Variants in DHX35 observed in about 807,000 individuals in gnomAD.
DHX35 encodes the protein probable ATP-dependent RNA helicase DHX35.
A neutral mutation model predicts 99.6 loss-of-function variants in DHX35; 84 were observed. That is an observed-to-expected ratio of 0.84 (90% CI 0.71 to 1.01). DHX35 has a LOEUF of 1.01. Ranked by LOEUF, DHX35 falls within the 50% of genes least tolerant of loss-of-function variation. The pLI, the probability that DHX35 is intolerant of heterozygous loss-of-function variation, is 0.00. For synonymous variants in DHX35, 331 were observed against 316.2 expected (o/e 1.05, Z -0.50); for missense variants, 852 against 888.5 (o/e 0.96, Z 0.52).
chr20:38,962,576 G>A, intron 1 of DHX35, 169 bp downstream of exon 1: 2 of 789,908 alleles, frequency 2.5e-6, no homozygotes, highest in Non-Finnish European at 3.9e-6. Flanking sequence ...CAGTGGTCCC[G>A]AGGGATTTGG....
intron 12 of DHX35, 41 bp from the exon 13 acceptor site, chr20:39,010,239 G>GTGACATTTGGTCCCAAACAGTTC: frequency 1.9e-6 from 3 of 1,613,808 alleles, no homozygotes; most frequent in Non-Finnish European, 2.5e-6. Context: ...GCATTTGATT[G>GTGACATTTGGTCCCAAACAGTTC]TGACATTTGG....
chr20:39,025,462 T>C, intron 18 of DHX35, 103 bp downstream of exon 18: 1 of 1,401,594 alleles, frequency 7.1e-7, no homozygotes, highest in Non-Finnish European at 9.7e-7. Flanking sequence ...TGTGGCGTGC[T>C]CTGTACCAAC....
intron 7 of DHX35, among the ~76,000 whole-genome samples, chr20:38,994,028 G>A (rs1304531993): frequency 6.6e-6 from 1 of 152,020 alleles, no homozygotes. Context: ...TTGCACAGTG[G>A]GTACACTGTG....
rs1316698960 is a variant in DHX35 at position 39,002,785 on chromosome 20, T to G, written c.769T>G (p.Tyr257Asp). The G allele has an allele frequency of 6.2e-7, 1 of 1,614,132 alleles. No homozygotes were observed. Among genetic ancestry groups the G allele is most frequent in the Non-Finnish European group, 8.5e-7 (1 of 1,179,986 alleles). ...TTGTCTTTTCAGTCCTGTTCCAGAT[T>G]ATATCAAATCAACTGTCGAAACTGT... The part of the protein sequence containing the change: ...IFYLQSPVPD[Y>D]IKSTVETVVK... The change falls in exon 10 of 22, where the codon TAT (tyrosine) becomes GAT (aspartate). Residue 257 changes from tyrosine (Y) to aspartate (D), a missense_variant. Coordinates refer to ENST00000252011, the MANE Select transcript of DHX35 (RefSeq NM_021931.4).
chr20:39,028,363 C>T (rs1407079780), intron 18 of DHX35, 55 bp from the exon 19 acceptor site: 12 of 1,559,174 alleles, frequency 7.7e-6, no homozygotes, highest in East Asian at 2.2e-5. Flanking sequence ...TTAGAGCACA[C>T]GGAGCCTAGG....
rs2060230919 is a variant in DHX35, at chr20:39,038,907, G to C, written c.*364G>C. 1 of 304,802 alleles carries C rather than the reference G, an allele frequency of 3.3e-6. No homozygotes were observed. Among genetic ancestry groups the C allele is most frequent in the Non-Finnish European group, 6.2e-6 (1 of 161,876 alleles). The allele number at this position is 304,802 out of a possible 1,614,324, so 18.9% of individuals were successfully genotyped here. On this transcript the variant is annotated 3_prime_UTR_variant, in exon 22 of 22. Coordinates refer to ENST00000252011, the MANE Select transcript of DHX35 (RefSeq NM_021931.4). ...CCACTGAAGGCCAAAACACCATGTG[G>C]GGTGGACAGAGGGTTTGCTGGGCTG...
At chr20:38,979,854 T>TAA (rs11476489) in intron 3 of DHX35, among the ~76,000 whole-genome samples, 4 of 140,700 alleles carry the variant, frequency 2.8e-5, no homozygotes, top group Admixed American at 7.1e-5. Context: ...TAGAGTTCTG[T>TAA]AAAAAAAAAA....
chr20:38,991,451 T>A lies in DHX35; in HGVS notation c.451-3T>A. ...TCTAAAGCTTTGTGTTTTTATTTTT[T>A]AGTTTCTTACTGATGGAATGCTGGT... On this transcript the variant is annotated splice_region_variant and splice_polypyrimidine_tract_variant and intron_variant, in intron 5 of 21. Transcript: ENST00000252011. 2 of 1,611,816 alleles carry A rather than the reference T, an allele frequency of 1.2e-6. No homozygotes were observed. The highest frequency in any genetic ancestry group is 1.7e-6 in the Non-Finnish European group (2 of 1,179,188).
intron 2 of DHX35, among the ~76,000 whole-genome samples, chr20:38,970,577 A>G (rs184402635): frequency 6.6e-6 from 1 of 152,210 alleles, no homozygotes. Context: ...AAGCTTCACC[A>G]TTTGTGTGCT....
intron 9 of DHX35, among the ~76,000 whole-genome samples, chr20:39,002,342 G>A (rs909708292): frequency 6.6e-6 from 1 of 152,206 alleles, no homozygotes; most frequent in Non-Finnish European, 1.5e-5. Flanking sequence ...CAGAGTCGTG[G>A]ACTTGATTTC....
At chr20:38,989,829 G>GGT (rs1167493634) in intron 5 of DHX35, among the ~76,000 whole-genome samples, 10 of 151,928 alleles carry the variant, frequency 6.6e-5, no homozygotes, top group Admixed American at 3.3e-4. Context: ...AACTCAACAG[G>GGT]GTGTGTACTA....
chr20:38,992,630 G>A lies in DHX35; in HGVS notation c.582+205G>A, dbSNP rs112762081. On this transcript the variant is annotated intron_variant, in intron 7 of 21. Transcript: ENST00000252011. The stretch of plus-strand genomic sequence containing the variant: ...TGTGTGTGTGTGTGTGTGTGTGAGT[G>A]AGTGTGTGTGTACTTGGATCTGTTT... 3.9e-3 allele frequency among the ~76,000 whole-genome samples: 593 copies of A among 152,180 alleles called. 5 individuals are homozygous for A. The highest frequency in any genetic ancestry group is 0.014 in the African/African-American group (571 of 41,514).
intron 1 of DHX35, among the ~76,000 whole-genome samples, chr20:38,967,047 T>C (rs2085922204): frequency 6.6e-6 from 1 of 152,176 alleles, no homozygotes; most frequent in Non-Finnish European, 1.5e-5. Context: ...ATCTTGAACC[T>C]CTGAAACACA....
intron 13 of DHX35, among the ~76,000 whole-genome samples, chr20:39,012,748 C>G (rs1451136885): frequency 6.6e-6 from 1 of 152,176 alleles, no homozygotes; most frequent in African/African-American, 2.4e-5. Context: ...CCAGGATGGT[C>G]TTGAACGCCT....
chr20:38,989,265 GTT>G (rs59991063), intron 5 of DHX35, among the ~76,000 whole-genome samples: 18,146 of 111,670 alleles, frequency 0.16, 772 homozygotes, highest in Middle Eastern at 0.27. Flanking sequence ...ACCCGGCTAA[GTT>G]TTTTTTTTTT....
chr20:38,986,593 A>G (rs1302725284), intron 4 of DHX35, among the ~76,000 whole-genome samples: 2 of 152,144 alleles, frequency 1.3e-5, no homozygotes, highest in Admixed American at 6.5e-5. Context: ...TATTTTCTCC[A>G]TAAGTTCCTA....
rs563305831 is a variant in DHX35, at chr20:39,023,644, C to T, written c.1594-46C>T. On this transcript the variant is annotated intron_variant, in intron 16 of 21. Transcript: ENST00000252011. ...CTGGGATTATAGGTGTGAGCCACCA[C>T]ACCCAGCAAAGAGTGAAATTCTGAA... is the stretch of plus-strand genomic sequence containing the variant. 3.2e-6 allele frequency: 5 copies of T among 1,570,370 alleles called. No homozygotes were observed. In the African/African-American group the frequency reaches 4.0e-5, roughly 13 times the overall value.
intron 1 of DHX35, among the ~76,000 whole-genome samples, chr20:38,965,219 G>A (rs916686123): frequency 3.9e-5 from 6 of 152,190 alleles, no homozygotes; most frequent in Admixed American, 1.3e-4. Flanking sequence ...TTATTGGGCC[G>A]TTGCTTTGTG....
At chr20:39,006,387 C>G in intron 12 of DHX35, 31 bp downstream of exon 12, 1 of 1,604,918 alleles carries the variant, frequency 6.2e-7, no homozygotes, top group Non-Finnish European at 8.5e-7. Context: ...GGGTTTTTGA[C>G]TTTCTTATAG....
Sources: gnomAD v4.1 joint callset for allele counts (sites outside exome capture counted in the v4.1 genomes callset) on GRCh38, gnomAD v4.1.1 for gene constraint, MANE v1.5 for transcripts, NCBI Gene and HGNC (gene_info 2026-07-23, HGNC 2026-07-21) for gene names.